UBR3: variants seen among roughly 807,000 people sequenced by gnomAD.
UBR3 encodes the protein E3 ubiquitin-protein ligase UBR3.
UBR3 carries 85 observed loss-of-function variants against 243.2 expected under a neutral mutation model. The ratio of observed to expected loss-of-function variants is 0.35; its 90% CI spans 0.29 to 0.42. The LOEUF (loss-of-function observed/expected upper bound fraction) is 0.42, where lower values mean the gene tolerates loss of function less well. Ranked by LOEUF, UBR3 falls within the 10% of genes least tolerant of loss-of-function variation. UBR3 has a pLI of 1.00. For missense variants in UBR3, 1,686 were observed against 2,300.8 expected, an observed-to-expected ratio of 0.73 and a Z score of 5.47; for synonymous variants, 748 against 799.8, an observed-to-expected ratio of 0.94 and a Z score of 1.09.
At chr2:169,970,381 G>C (rs1185860924) in intron 24 of UBR3, among the ~76,000 whole-genome samples, 2 of 498 alleles carry the variant, frequency 4.0e-3, no homozygotes, top group East Asian at 0.045. Context: ...GTGCAGGTTA[G>C]TTACATATGT....
intron 35 of UBR3, among the ~76,000 whole-genome samples, chr2:170,065,123 G>A (rs892838251): frequency 4.6e-5 from 7 of 152,056 alleles, no homozygotes; most frequent in East Asian, 3.9e-4. Flanking sequence ...GATTACAGGC[G>A]TGAGCCACCA....
intron 5 of UBR3, among the ~76,000 whole-genome samples, chr2:169,881,928 T>C (rs1283205074): frequency 2.2e-5 from 2 of 89,622 alleles, no homozygotes; most frequent in African/African-American, 6.4e-5. Context: ...TATACATGTA[T>C]ACATATAATA....
At chr2:169,930,663 G>A (rs747957787) in intron 18 of UBR3, among the ~76,000 whole-genome samples, 36 of 152,180 alleles carry the variant, frequency 2.4e-4, no homozygotes, top group Non-Finnish European at 4.1e-4. Flanking sequence ...GGGATTGCAG[G>A]TGTGAACCGC....
At chr2:170,058,523 CTTT>C (rs35381644) in intron 33 of UBR3, among the ~76,000 whole-genome samples, 5 of 135,900 alleles carry the variant, frequency 3.7e-5, no homozygotes, top group Non-Finnish European at 3.2e-5. Context: ...TCTTTTCTTC[CTTT>C]TTTTTTTTTG....
intron 25 of UBR3, among the ~76,000 whole-genome samples, chr2:169,993,510 C>G (rs1393101440): frequency 1.3e-5 from 2 of 152,120 alleles, no homozygotes; most frequent in East Asian, 3.8e-4. Context: ...GTTGGTTGTT[C>G]CATAGAATAT....
chr2:169,992,751 T>G (rs1473789417), intron 25 of UBR3, among the ~76,000 whole-genome samples: 1 of 152,200 alleles, frequency 6.6e-6, no homozygotes, highest in South Asian at 2.1e-4. Context: ...AAGGTTATTC[T>G]TTTTTAAAAA....
intron 30 of UBR3, among the ~76,000 whole-genome samples, chr2:170,026,245 T>C (rs923073753): frequency 1.3e-5 from 2 of 152,100 alleles, no homozygotes; most frequent in Non-Finnish European, 2.9e-5. Flanking sequence ...TATGTTAATA[T>C]GTGTTTGTAG....
At chr2:169,969,096 T>C (rs2087963448) in intron 24 of UBR3, among the ~76,000 whole-genome samples, 1 of 152,198 alleles carries the variant, frequency 6.6e-6, no homozygotes, top group African/African-American at 2.4e-5. Context: ...TATTAATCCT[T>C]TGTCCCATGG....
chr2:169,927,027 C>G, intron 16 of UBR3, 56 bp downstream of exon 16: 1 of 1,522,554 alleles, frequency 6.6e-7, no homozygotes, highest in Non-Finnish European at 8.9e-7. Flanking sequence ...CCTTTCTCCC[C>G]CTCCCTGTGG....
chr2:170,029,788 C>A (rs1463569592), intron 31 of UBR3, among the ~76,000 whole-genome samples: 1 of 151,812 alleles, frequency 6.6e-6, no homozygotes, highest in Non-Finnish European at 1.5e-5. Context: ...TGTAAAGTGC[C>A]CCATCAGTCT....
chr2:169,890,525 GGAGAGAGAGAGA>G (rs781214598), intron 5 of UBR3, among the ~76,000 whole-genome samples: 8 of 67,874 alleles, frequency 1.2e-4, no homozygotes, highest in African/African-American at 5.2e-4. Flanking sequence ...GGTTTTTCTA[GGAGAGAGAGAGA>G]GAGATATATA....
At chr2:170,008,001 A>T (rs143262741) in intron 28 of UBR3, among the ~76,000 whole-genome samples, 276 of 152,326 alleles carry the variant, frequency 1.8e-3, no homozygotes, top group African/African-American at 6.3e-3. Flanking sequence ...GATTAAGAAG[A>T]TATATTTACA....
rs1559237480 is a variant in UBR3 at position 170,073,419 on chromosome 2, G to A, written c.5020-9G>A. 2.5e-6 allele frequency: 4 copies of A among 1,613,180 alleles called. 1 individual carries two copies. Among genetic ancestry groups the A allele is most frequent in the Middle Eastern group, 3.3e-4 (2 of 6,054 alleles). Reference sequence around the variant, plus strand: ...ATATTTTCAGAATTTCCTATTTCATGTCTAAAAGGAAGAAGAAGAATTTTC... The same window carrying A: ...ATATTTTCAGAATTTCCTATTTCATATCTAAAAGGAAGAAGAAGAATTTTC... On this transcript the variant is annotated splice_polypyrimidine_tract_variant and intron_variant, in intron 35 of 38. Transcript: ENST00000272793.
At chr2:170,072,256 G>A (rs2091713996) in intron 35 of UBR3, among the ~76,000 whole-genome samples, 1 of 152,138 alleles carries the variant, frequency 6.6e-6, no homozygotes, top group Admixed American at 6.5e-5. Context: ...AAAAGGATGA[G>A]TTCATATCCT....
intron 10 of UBR3, among the ~76,000 whole-genome samples, chr2:169,913,534 C>G (rs1464368960): frequency 6.6e-6 from 1 of 152,064 alleles, no homozygotes; most frequent in Admixed American, 6.5e-5. Context: ...TGTTGTAAGT[C>G]AAGGTATTCA....
At chr2:169,879,706 A>G (rs1197499363) in intron 5 of UBR3, among the ~76,000 whole-genome samples, 1 of 152,234 alleles carries the variant, frequency 6.6e-6, no homozygotes, top group Non-Finnish European at 1.5e-5. Context: ...AAGCACTTAC[A>G]GCCCTGGTGC....
At chr2:170,043,420 T>C (rs944324853) in intron 32 of UBR3, among the ~76,000 whole-genome samples, 8 of 152,152 alleles carry the variant, frequency 5.3e-5, no homozygotes, top group Non-Finnish European at 1.0e-4. Context: ...ACTTACTGAA[T>C]TTAATTCAGT....
chr2:169,990,300 T>G (rs1280968321), intron 25 of UBR3, among the ~76,000 whole-genome samples: 2 of 152,268 alleles, frequency 1.3e-5, no homozygotes, highest in South Asian at 2.1e-4. Flanking sequence ...ATCTCATTAT[T>G]GCTCAGAATG....
At chr2:170,014,059 A>G in intron 29 of UBR3, 1 of 378,100 alleles carries the variant, frequency 2.6e-6, no homozygotes. Context: ...ATCAGCAGCA[A>G]CCAGATGGAG....
Sources: gnomAD v4.1 joint callset for allele counts (sites outside exome capture counted in the v4.1 genomes callset) on GRCh38, gnomAD v4.1.1 for gene constraint, MANE v1.5 for transcripts, NCBI Gene and HGNC (gene_info 2026-07-23, HGNC 2026-07-21) for gene names.